IL1RAPL1: variants seen among roughly 807,000 people sequenced by gnomAD.
The protein encoded by IL1RAPL1 is interleukin-1 receptor accessory protein-like 1.
In IL1RAPL1, 3 loss-of-function variants were observed where a neutral mutation model predicts 48.4. That is an observed-to-expected ratio of 0.06 (90% CI 0.03 to 0.16). IL1RAPL1 has a LOEUF of 0.16. IL1RAPL1 is among the 10% of genes least tolerant of loss of function. IL1RAPL1 has a pLI of 1.00. For missense variants in IL1RAPL1, 349 were observed against 530.6 expected (o/e 0.66, Z 3.36); for synonymous variants, 185 against 187.7 (o/e 0.99, Z 0.12).
chrX:28,820,282 G>T (rs1426710997), intron 2 of IL1RAPL1, among the ~76,000 whole-genome samples: 2 of 108,910 alleles, frequency 1.8e-5, no homozygotes, highest in East Asian at 5.9e-4. Flanking sequence ...ATAATTAAAT[G>T]ACTATTTTTG....
At chrX:29,497,662 A>T (rs1935227852) in intron 5 of IL1RAPL1, among the ~76,000 whole-genome samples, 1 of 110,965 alleles carries the variant, frequency 9.0e-6, no homozygotes, top group Non-Finnish European at 1.9e-5. Context: ...TATATGAAAA[A>T]TGGATAACTT....
intron 6 of IL1RAPL1, among the ~76,000 whole-genome samples, chrX:29,846,841 C>T (rs1454088646): frequency 2.8e-5 from 3 of 107,753 alleles, no homozygotes; most frequent in Non-Finnish European, 5.7e-5. Flanking sequence ...TATATGTACT[C>T]TGTATGCATA....
intron 2 of IL1RAPL1, among the ~76,000 whole-genome samples, chrX:29,134,592 C>T (rs1270831385): frequency 9.0e-6 from 1 of 111,430 alleles, no homozygotes; most frequent in Non-Finnish European, 1.9e-5. Flanking sequence ...CTATTCTTGT[C>T]TTACCAGTTT....
chrX:28,897,382 G>C (rs1466955881), intron 2 of IL1RAPL1, among the ~76,000 whole-genome samples: 1 of 111,917 alleles, frequency 8.9e-6, no homozygotes, highest in Non-Finnish European at 1.9e-5. Context: ...CCGAGCCCGT[G>C]ACCAGCACGG....
At chrX:29,808,144 C>G (rs911210332) in intron 6 of IL1RAPL1, among the ~76,000 whole-genome samples, 3 of 111,526 alleles carry the variant, frequency 2.7e-5, no homozygotes, top group Non-Finnish European at 5.7e-5. Context: ...AATAATTAGA[C>G]TTTTACAAAG....
At chrX:28,649,494 G>C (rs1406195567) in intron 1 of IL1RAPL1, among the ~76,000 whole-genome samples, 1 of 112,465 alleles carries the variant, frequency 8.9e-6, no homozygotes, top group Non-Finnish European at 1.9e-5. Context: ...TTCCTGTAAG[G>C]TTTCTCAGAT....
intron 1 of IL1RAPL1, among the ~76,000 whole-genome samples, chrX:28,634,603 G>T (rs1934443656): frequency 9.1e-6 from 1 of 109,741 alleles, no homozygotes; most frequent in Admixed American, 9.8e-5. Flanking sequence ...TGCTTAATAA[G>T]TAATTTTGAA....
chrX:29,000,462 T>G (rs1925825756), intron 2 of IL1RAPL1, among the ~76,000 whole-genome samples: 2 of 112,283 alleles, frequency 1.8e-5, no homozygotes, highest in African/African-American at 6.5e-5. Flanking sequence ...TTATGTCTTG[T>G]TTACCTTTGT....
intron 2 of IL1RAPL1, among the ~76,000 whole-genome samples, chrX:28,900,047 T>A (rs1923034133): frequency 2.7e-5 from 3 of 112,081 alleles, no homozygotes; most frequent in Admixed American, 9.4e-5. Flanking sequence ...GTGTTTCATA[T>A]TTAGCAACAT....
intron 5 of IL1RAPL1, among the ~76,000 whole-genome samples, chrX:29,479,096 T>C (rs1164079008): frequency 2.7e-5 from 3 of 109,633 alleles, no homozygotes; most frequent in African/African-American, 1.0e-4. Context: ...GCATGTAGTA[T>C]CTTTTAAATG....
Position 29,643,734 on chromosome X carries a change from C to G in IL1RAPL1, c.704-24696C>G, listed in dbSNP as rs759996403. On this transcript the variant is annotated intron_variant, in intron 5 of 10. Coordinates refer to ENST00000378993, the MANE Select transcript of IL1RAPL1 (RefSeq NM_014271.4). ...ATTAACCTCTGCCCTCAAAATACAC[C>G]AAGTCAACCTCTGTTTCTTTATTCA... 2.7e-5 allele frequency among the ~76,000 whole-genome samples: 3 copies of G among 111,256 alleles called. No homozygotes were observed. In the South Asian group the frequency reaches 1.1e-3, roughly 42 times the overall value.
At chrX:29,894,487 T>C (rs1395564107) in intron 6 of IL1RAPL1, among the ~76,000 whole-genome samples, 1 of 112,237 alleles carries the variant, frequency 8.9e-6, no homozygotes. Flanking sequence ...CTACTTTATT[T>C]TCACTAGATA....
intron 6 of IL1RAPL1, among the ~76,000 whole-genome samples, chrX:29,711,551 T>A (rs929507820): frequency 2.1e-4 from 23 of 111,678 alleles, no homozygotes; most frequent in African/African-American, 6.5e-4. Context: ...AGATATAAAT[T>A]TGAAGATAAA....
At chrX:28,954,340 T>A (rs2147357275) in intron 2 of IL1RAPL1, among the ~76,000 whole-genome samples, 1 of 111,176 alleles carries the variant, frequency 9.0e-6, no homozygotes, top group South Asian at 3.8e-4. Flanking sequence ...GCTCCATTTT[T>A]ATTGCAATTT....
At chrX:29,029,516 T>A (rs1278189518) in intron 2 of IL1RAPL1, among the ~76,000 whole-genome samples, 1 of 111,950 alleles carries the variant, frequency 8.9e-6, no homozygotes, top group Non-Finnish European at 1.9e-5. Flanking sequence ...CTGATTTCTT[T>A]AGCTCTTGTG....
At chrX:29,512,734 A>G (rs1165553309) in intron 5 of IL1RAPL1, among the ~76,000 whole-genome samples, 2 of 112,099 alleles carry the variant, frequency 1.8e-5, no homozygotes, top group Non-Finnish European at 3.8e-5. Flanking sequence ...GGTGATTAGC[A>G]TTACATATTC....
chrX:29,239,402 A>G (rs750631752), intron 2 of IL1RAPL1, among the ~76,000 whole-genome samples: 9 of 112,696 alleles, frequency 8.0e-5, no homozygotes, highest in Non-Finnish European at 1.7e-4. Context: ...TTCAATTTCC[A>G]GTTAATCAAA....
chrX:29,539,665 A>T (rs1195516866), intron 5 of IL1RAPL1, among the ~76,000 whole-genome samples: 2 of 110,468 alleles, frequency 1.8e-5, no homozygotes, highest in African/African-American at 6.6e-5. Flanking sequence ...CTGGTTATTT[A>T]AAAATGCGTA....
At chrX:28,979,829 A>T (rs1170722011) in intron 2 of IL1RAPL1, among the ~76,000 whole-genome samples, 1 of 111,933 alleles carries the variant, frequency 8.9e-6, no homozygotes, top group Non-Finnish European at 1.9e-5. Flanking sequence ...TTGATTTTTT[A>T]AAAAGCCTAT....
Sources: gnomAD v4.1 joint callset for allele counts (sites outside exome capture counted in the v4.1 genomes callset) on GRCh38, gnomAD v4.1.1 for gene constraint, MANE v1.5 for transcripts, NCBI Gene and HGNC (gene_info 2026-07-23, HGNC 2026-07-21) for gene names.